FAM107B: variants seen among roughly 807,000 people sequenced by gnomAD.
FAM107B encodes family with sequence similarity 107 member B.
In FAM107B, 21 loss-of-function variants were observed where a neutral mutation model predicts 31.5. The observed-to-expected ratio is 0.67, with a 90% CI of 0.47 to 0.96. The LOEUF (loss-of-function observed/expected upper bound fraction) is 0.96. FAM107B is among the 40% of genes least tolerant of loss of function. FAM107B has a pLI of 0.00. For synonymous variants in FAM107B, 157 were observed against 141.5 expected, an observed-to-expected ratio of 1.11 and a Z score of -0.78; for missense variants, 452 against 377.1, an observed-to-expected ratio of 1.20 and a Z score of -1.64.
chr10:14,749,954 G>T (rs12240426), intron 1 of FAM107B, among the ~76,000 whole-genome samples: 1 of 152,156 alleles, frequency 6.6e-6, no homozygotes, highest in South Asian at 2.1e-4. Context: ...CGCCAGGAAG[G>T]CTGCCATGCA....
rs1413704060 is a variant in FAM107B at position 14,774,371 on chromosome 10, G to A, written c.293C>T (p.Ala98Val). 6.8e-6 allele frequency: 11 copies of A among 1,614,084 alleles called. No individual in the cohort carries two copies. The highest frequency in any genetic ancestry group is 4.5e-5 in the East Asian group (2 of 44,900). Reference protein sequence around the residue: ...SANRNSSHRTAAQPAETPEDV... With the variant: ...SANRNSSHRTVAQPAETPEDV... The stretch of plus-strand genomic sequence containing the variant: ...TTCAGGCGTCTCCGCGGGCTGGGCC[G>A]CAGTGCGGTGACTTGAATTCCGATT... Residue 98 changes from alanine (A) to valine (V), a missense_variant, in exon 1 of 5, where the codon GCG becomes GTG. By Grantham distance (64) the Ala-to-Val change is moderately conservative (BLOSUM62 0). Coordinates refer to ENST00000181796, the MANE Select transcript of FAM107B (RefSeq NM_031453.4).
At chr10:14,741,701 C>G (rs1013712451) in intron 1 of FAM107B, among the ~76,000 whole-genome samples, 1 of 150,402 alleles carries the variant, frequency 6.6e-6, no homozygotes, top group Admixed American at 6.6e-5. Context: ...CCTCGACTTT[C>G]CATGCATAAC....
chr10:14,564,371 C>T (rs933808993), intron 2 of FAM107B, among the ~76,000 whole-genome samples: 1 of 151,932 alleles, frequency 6.6e-6, no homozygotes, highest in Non-Finnish European at 1.5e-5. Context: ...ATTAGGCCCC[C>T]AAATACTTGA....
chr10:14,754,322 C>A (rs577745765), intron 1 of FAM107B, among the ~76,000 whole-genome samples: 1 of 152,144 alleles, frequency 6.6e-6, no homozygotes, highest in African/African-American at 2.4e-5. Context: ...CTTCTGAGTC[C>A]ACGGTGCCCC....
intron 2 of FAM107B, among the ~76,000 whole-genome samples, chr10:14,601,719 C>G (rs560757823): frequency 2.0e-5 from 3 of 152,312 alleles, no homozygotes; most frequent in African/African-American, 7.2e-5. Context: ...CAACTCATTT[C>G]CTTAAAACAC....
intron 1 of FAM107B, among the ~76,000 whole-genome samples, chr10:14,682,788 G>A (rs1460456741): frequency 6.6e-6 from 1 of 152,014 alleles, no homozygotes; most frequent in Non-Finnish European, 1.5e-5. Context: ...AATACCTAAT[G>A]TAGATGATGG....
chr10:14,656,757 T>C (rs1375494936), intron 2 of FAM107B, among the ~76,000 whole-genome samples: 1 of 152,154 alleles, frequency 6.6e-6, no homozygotes, highest in Non-Finnish European at 1.5e-5. Context: ...TAAAAGAAAG[T>C]GAAAGAGTGT....
chr10:14,674,679 G>C (rs867381158), intron 1 of FAM107B, among the ~76,000 whole-genome samples: 32 of 152,294 alleles, frequency 2.1e-4, no homozygotes, highest in African/African-American at 7.0e-4. Context: ...AGGCCACCAG[G>C]TAGCAGCTAC....
intron 2 of FAM107B, among the ~76,000 whole-genome samples, chr10:14,583,086 CAAAA>C (rs60205603): frequency 8.9e-5 from 5 of 56,342 alleles, no homozygotes; most frequent in Non-Finnish European, 1.5e-4. Context: ...GACTCTGTCT[CAAAA>C]AAAAAAAAAA....
intron 2 of FAM107B, among the ~76,000 whole-genome samples, chr10:14,533,378 C>T (rs993360373): frequency 6.6e-6 from 1 of 152,132 alleles, no homozygotes; most frequent in Non-Finnish European, 1.5e-5. Flanking sequence ...GCCTGAGCAA[C>T]CAGAAGGCTC....
intron 1 of FAM107B, among the ~76,000 whole-genome samples, chr10:14,759,703 G>T (rs1016373056): frequency 6.6e-6 from 1 of 152,024 alleles, no homozygotes; most frequent in Non-Finnish European, 1.5e-5. Flanking sequence ...TTATGGTATA[G>T]AGCCTTCTTT....
intron 1 of FAM107B, among the ~76,000 whole-genome samples, chr10:14,712,626 A>AAAAG (rs1554851690): frequency 6.8e-6 from 1 of 146,854 alleles, no homozygotes. Context: ...AACAAAAAAA[A>AAAAG]AAGAAGAAGA....
In FAM107B at chr10:14,625,678, A is replaced by C. The variant is rs148262285; in HGVS notation, c.469+41956T>G. Among the ~76,000 whole-genome samples the C allele has an allele frequency of 4.6e-5, 7 of 152,182 alleles. 1 individual carries two copies. The highest frequency in any genetic ancestry group is 1.7e-4 in the African/African-American group (7 of 41,522). On this transcript the variant is annotated intron_variant, in intron 2 of 4. Coordinates refer to ENST00000181796, the MANE Select transcript of FAM107B (RefSeq NM_031453.4). Reference sequence around the variant, plus strand: ...TGAGCTGCGTTTTACAATCCAAATCAAATTTCTTGGTCATTTTTATGGTGA... The same window carrying C: ...TGAGCTGCGTTTTACAATCCAAATCCAATTTCTTGGTCATTTTTATGGTGA...
chr10:14,761,761 C>T (rs1485746456), intron 1 of FAM107B, among the ~76,000 whole-genome samples: 3 of 151,796 alleles, frequency 2.0e-5, no homozygotes, highest in Non-Finnish European at 4.4e-5. Context: ...CCACACCTGG[C>T]TAATTTTTGT....
intron 2 of FAM107B, among the ~76,000 whole-genome samples, chr10:14,580,369 A>AAT (rs1851597135): frequency 6.6e-6 from 1 of 151,612 alleles, no homozygotes; most frequent in African/African-American, 2.4e-5. Flanking sequence ...CAAAAAAAAA[A>AAT]GTAAGTAAGT....
intron 2 of FAM107B, among the ~76,000 whole-genome samples, chr10:14,580,155 C>T (rs746648783): frequency 2.1e-4 from 32 of 152,170 alleles, no homozygotes; most frequent in Middle Eastern, 3.4e-3. Context: ...GTCAGGAGAT[C>T]AAGACCATCC....
chr10:14,630,460 T>C (rs1853325566), intron 2 of FAM107B, among the ~76,000 whole-genome samples: 1 of 152,042 alleles, frequency 6.6e-6, no homozygotes, highest in South Asian at 2.1e-4. Context: ...ATATAAATTA[T>C]ATATTTCTTA....
At chr10:14,546,077 C>T (rs78976630) in intron 2 of FAM107B, among the ~76,000 whole-genome samples, 3,203 of 152,336 alleles carry the variant, frequency 0.021, 109 homozygotes, top group African/African-American at 0.072. Context: ...CAAACTAATA[C>T]TTTCAAAAGA....
intron 1 of FAM107B, among the ~76,000 whole-genome samples, chr10:14,683,081 A>G (rs1854879837): frequency 6.6e-6 from 1 of 152,146 alleles, no homozygotes; most frequent in African/African-American, 2.4e-5. Context: ...TGTTGTCTAA[A>G]GGTGCAATGT....
Sources: gnomAD v4.1 joint callset for allele counts (sites outside exome capture counted in the v4.1 genomes callset) on GRCh38, gnomAD v4.1.1 for gene constraint, MANE v1.5 for transcripts, NCBI Gene and HGNC (gene_info 2026-07-23, HGNC 2026-07-21) for gene names.